The following CYP4X1 variants were observed in gnomAD, a reference collection of about 807,000 sequenced individuals.
The protein encoded by CYP4X1 is cytochrome P450 family 4 subfamily X member 1.
A neutral mutation model predicts 57.9 loss-of-function variants in CYP4X1; 44 were observed. The ratio of observed to expected loss-of-function variants is 0.76; its 90% CI spans 0.60 to 0.98. The LOEUF is 0.98. CYP4X1 is among the 50% of genes least tolerant of loss of function. CYP4X1 has a pLI of 0.00. For missense variants in CYP4X1, 532 were observed against 623.9 expected, an observed-to-expected ratio of 0.85 and a Z score of 1.57; for synonymous variants, 227 against 228.6, an observed-to-expected ratio of 0.99 and a Z score of 0.06.
At chr1:47,026,135 CA>C (rs892301023) in intron 1 of CYP4X1, among the ~76,000 whole-genome samples, 4 of 151,364 alleles carry the variant, frequency 2.6e-5, no homozygotes, top group Non-Finnish European at 4.4e-5. Context: ...TTAATGGGTA[CA>C]AAAAAAATAG....
chr1:46,966,357 C>G, the CYP4X1 span, among the ~76,000 whole-genome samples: 2 of 152,132 alleles, frequency 1.3e-5, no homozygotes, highest in Admixed American at 1.3e-4. Context: ...AGTTGCTGCT[C>G]TGCTGAGACT....
At chr1:46,978,484 C>T in the CYP4X1 span, among the ~76,000 whole-genome samples, 11 of 152,024 alleles carry the variant, frequency 7.2e-5, no homozygotes, top group Non-Finnish European at 1.3e-4. Context: ...AAAGCAAGTC[C>T]TTAGAGACCT....
rs1383303776 is a variant in CYP4X1, at chr1:47,047,625, A to G, written c.1208-940A>G. 2.0e-5 allele frequency among the ~76,000 whole-genome samples: 3 copies of G among 152,246 alleles called. No homozygotes were observed. In the East Asian group the frequency reaches 5.8e-4, roughly 29 times the overall value. On this transcript the variant is annotated intron_variant, in intron 9 of 11. Transcript: ENST00000371901. ...TGTGTGTGCGTTTTCCTCTCAAGAC[A>G]GAGTCTTGCTATGTAGCCCAGGCTG...
upstream of CYP4X1, among the ~76,000 whole-genome samples, chr1:47,021,780 A>G (rs1305963757): frequency 2.0e-5 from 3 of 152,214 alleles, no homozygotes; most frequent in Non-Finnish European, 4.4e-5. Context: ...AGAGGGAGTC[A>G]CACCACCAGC....
At chr1:46,966,066 G>T in the CYP4X1 span, among the ~76,000 whole-genome samples, 3 of 152,196 alleles carry the variant, frequency 2.0e-5, no homozygotes, top group African/African-American at 7.2e-5. Flanking sequence ...CGGCAGACTG[G>T]AACAGCTGAG....
the CYP4X1 span, among the ~76,000 whole-genome samples, chr1:47,012,526 G>T: frequency 6.6e-6 from 1 of 151,974 alleles, no homozygotes; most frequent in Non-Finnish European, 1.5e-5. Context: ...CCTGCACGTT[G>T]TGCACATGTA....
Position 47,023,766 on chromosome 1 carries a change from C to T in CYP4X1, c.-52C>T. The T allele has an allele frequency of 6.3e-7, 1 of 1,582,044 alleles. No homozygotes were observed. Among genetic ancestry groups the T allele is most frequent in the South Asian group, 1.2e-5 (1 of 86,810 alleles). ...CGCCAGCTCCGGGCGGGAGAAAGCCCACCCTCTCCCGCGCCCCAGGAAACC... is the reference window on the plus strand; with the variant it reads ...CGCCAGCTCCGGGCGGGAGAAAGCCTACCCTCTCCCGCGCCCCAGGAAACC... On this transcript the variant is annotated 5_prime_UTR_variant, in exon 1 of 12. Coordinates refer to ENST00000371901, the MANE Select transcript of CYP4X1 (RefSeq NM_178033.2).
At chr1:47,011,531 T>C in the CYP4X1 span, among the ~76,000 whole-genome samples, 11 of 152,048 alleles carry the variant, frequency 7.2e-5, no homozygotes, top group Admixed American at 6.5e-5. Context: ...CCAAAAGCAA[T>C]GGCAACAAAA....
the CYP4X1 span, among the ~76,000 whole-genome samples, chr1:46,965,684 G>A: frequency 2.0e-5 from 3 of 152,234 alleles, no homozygotes; most frequent in Non-Finnish European, 4.4e-5. Context: ...AGAAGAGCAG[G>A]ATCAGGGACC....
rs201328019 is a variant in CYP4X1, at chr1:47,033,626, ATAGT to A, written c.492+262_492+265del. 2.7e-4 allele frequency among the ~76,000 whole-genome samples: 41 copies of A among 152,318 alleles called. 1 individual carries two copies. In the East Asian group the frequency reaches 7.9e-3, roughly 29 times the overall value. ...GCAGCAAACCAAGTACCAAATGGTGATAGTTAGATAGTAAGTGCTGTAGATGTGT... is the reference window on the plus strand; with the variant it reads ...GCAGCAAACCAAGTACCAAATGGTGATAGATAGTAAGTGCTGTAGATGTGT... On this transcript the variant is annotated intron_variant, in intron 4 of 11. Coordinates refer to ENST00000371901, the MANE Select transcript of CYP4X1 (RefSeq NM_178033.2).
chr1:46,965,371 G>T, the CYP4X1 span, among the ~76,000 whole-genome samples: 1 of 152,226 alleles, frequency 6.6e-6, no homozygotes. Context: ...GACTGGAGCT[G>T]ATCCTATTCA....
chr1:46,979,379 A>C, the CYP4X1 span, among the ~76,000 whole-genome samples: 1 of 152,252 alleles, frequency 6.6e-6, no homozygotes, highest in Non-Finnish European at 1.5e-5. Flanking sequence ...AACCTAGAAG[A>C]CATGGATAAA....
At chr1:46,976,835 T>G in the CYP4X1 span, among the ~76,000 whole-genome samples, 1 of 152,174 alleles carries the variant, frequency 6.6e-6, no homozygotes, top group Non-Finnish European at 1.5e-5. Flanking sequence ...CAAACAGTGT[T>G]GGGAGTGGAC....
the CYP4X1 span, among the ~76,000 whole-genome samples, chr1:46,991,441 T>G: frequency 6.6e-6 from 1 of 152,170 alleles, no homozygotes; most frequent in South Asian, 2.1e-4. Flanking sequence ...TTACCTCCCC[T>G]AGCTCATTCC....
chr1:47,037,274 T>A (rs1227713274), intron 6 of CYP4X1, among the ~76,000 whole-genome samples: 1 of 52,290 alleles, frequency 1.9e-5, no homozygotes, highest in Non-Finnish European at 3.4e-5. Context: ...CCTTTTCAAT[T>A]TTTTTTTTTT....
intron 9 of CYP4X1, among the ~76,000 whole-genome samples, chr1:47,048,201 T>C (rs115860851): frequency 3.5e-4 from 54 of 152,298 alleles, no homozygotes; most frequent in African/African-American, 1.1e-3. Context: ...GTGAGCAATG[T>C]TCACGCCACT....
At chr1:47,009,780 C>T in the CYP4X1 span, among the ~76,000 whole-genome samples, 1 of 152,208 alleles carries the variant, frequency 6.6e-6, no homozygotes, top group African/African-American at 2.4e-5. Flanking sequence ...ATACTATAAA[C>T]ACTTCTATGC....
At chr1:46,964,654 G>GA in the CYP4X1 span, among the ~76,000 whole-genome samples, 93 of 152,226 alleles carry the variant, frequency 6.1e-4, 1 homozygote, top group African/African-American at 2.2e-3. Flanking sequence ...GCCCCTACTG[G>GA]GGGTGCCTCC....
rs1162371428 is a variant in CYP4X1, at chr1:47,049,495, C to T, written c.1346C>T (p.Ala449Val). The T allele has an allele frequency of 1.2e-6, 2 of 1,613,932 alleles. No individual in the cohort carries two copies. Among genetic ancestry groups the T allele is most frequent in the Non-Finnish European group, 1.7e-6 (2 of 1,179,908 alleles). ...RHPYAYLPFS[A>V]GSRNCIGQEF... is the part of the protein sequence containing the mutation. ...CCCTATGCCTACTTACCATTCTCAG[C>T]TGGATCAAGGTGAGAACAATTTGAA... The change falls in exon 11 of 12, where the codon GCT becomes GTT. Residue 449 changes from alanine to valine, a missense_variant. Physicochemically the swap from Ala to Val is moderately conservative, Grantham distance 64. Transcript: ENST00000371901.
Sources: gnomAD v4.1 joint callset for allele counts (sites outside exome capture counted in the v4.1 genomes callset) on GRCh38, gnomAD v4.1.1 for gene constraint, MANE v1.5 for transcripts, NCBI Gene and HGNC (gene_info 2026-07-23, HGNC 2026-07-21) for gene names.